Variants in CCDC192 observed in about 807,000 individuals in gnomAD.
The protein encoded by CCDC192 is coiled-coil domain containing 192.
chr5:127,740,410 G>C (rs892230154), intron 2 of CCDC192: 3 of 152,152 alleles, frequency 2.0e-5, no homozygotes, highest in Admixed American at 2.0e-4. Context: ...GATAGGAAAG[G>C]ATGCATAACA....
chr5:127,783,590 A>G (rs1756366772), intron 3 of CCDC192, among the ~76,000 whole-genome samples: 1 of 152,118 alleles, frequency 6.6e-6, no homozygotes, highest in Non-Finnish European at 1.5e-5. Context: ...TAGAATGTGT[A>G]TTCTGTGGTC....
At chr5:127,884,427 A>T (rs569631843) in intron 6 of CCDC192, among the ~76,000 whole-genome samples, 1 of 150,306 alleles carries the variant, frequency 6.7e-6, no homozygotes, top group Admixed American at 6.7e-5. Context: ...ATCTTATATC[A>T]TTACCATATA....
chr5:127,861,697 A>C (rs1299132949), intron 5 of CCDC192, among the ~76,000 whole-genome samples: 1 of 151,988 alleles, frequency 6.6e-6, no homozygotes, highest in East Asian at 1.9e-4. Flanking sequence ...TCTGTTCCAC[A>C]CCTCACTTTG....
At chr5:127,867,794 A>G (rs974562277) in intron 5 of CCDC192, among the ~76,000 whole-genome samples, 9 of 152,170 alleles carry the variant, frequency 5.9e-5, no homozygotes, top group African/African-American at 1.9e-4. Flanking sequence ...AATATGAAAA[A>G]TTATTTATTG....
intron 3 of CCDC192, chr5:127,786,254 C>A: frequency 1.5e-6 from 1 of 685,816 alleles, no homozygotes; most frequent in South Asian, 1.6e-5. Flanking sequence ...AGCACACAAG[C>A]CTCTGCCTTA....
At chr5:127,883,592 T>G (rs1752438219) in intron 6 of CCDC192, among the ~76,000 whole-genome samples, 4 of 152,242 alleles carry the variant, frequency 2.6e-5, no homozygotes, top group Admixed American at 2.6e-4. Flanking sequence ...CAAAATCTTC[T>G]TCCTGATTTC....
chr5:127,815,874 A>T (rs1391494744), intron 5 of CCDC192, among the ~76,000 whole-genome samples: 1 of 151,932 alleles, frequency 6.6e-6, no homozygotes, highest in African/African-American at 2.4e-5. Flanking sequence ...TCTGAAAAAA[A>T]AAATAAAAAT....
intron 2 of CCDC192, among the ~76,000 whole-genome samples, chr5:127,717,812 A>G (rs1490529851): frequency 6.6e-6 from 1 of 151,884 alleles, no homozygotes; most frequent in Admixed American, 6.6e-5. Context: ...TCATCAGCCA[A>G]AGAAGTCACA....
At chr5:127,762,001 T>C (rs1462235753) in intron 3 of CCDC192, among the ~76,000 whole-genome samples, 1 of 152,192 alleles carries the variant, frequency 6.6e-6, no homozygotes, top group Non-Finnish European at 1.5e-5. Context: ...ACTGAATTTG[T>C]GTATTGAGTG....
chr5:127,779,161 T>A (rs1756042863), intron 3 of CCDC192, among the ~76,000 whole-genome samples: 1 of 152,208 alleles, frequency 6.6e-6, no homozygotes, highest in South Asian at 2.1e-4. Flanking sequence ...GGCTTGTTGA[T>A]GTGACATCTT....
At chr5:127,801,288 G>C (rs892339979) in intron 5 of CCDC192, among the ~76,000 whole-genome samples, 2 of 152,168 alleles carry the variant, frequency 1.3e-5, no homozygotes, top group South Asian at 4.1e-4. Context: ...GAGTTGCCTG[G>C]CAAAATATGT....
intron 3 of CCDC192, among the ~76,000 whole-genome samples, chr5:127,761,526 C>A (rs1230723667): frequency 6.6e-6 from 1 of 152,018 alleles, no homozygotes; most frequent in Non-Finnish European, 1.5e-5. Flanking sequence ...GACTGTAGCT[C>A]TATGTGCATG....
chr5:127,834,763 A>G (rs1169086228), intron 5 of CCDC192, among the ~76,000 whole-genome samples: 1 of 152,228 alleles, frequency 6.6e-6, no homozygotes, highest in African/African-American at 2.4e-5. Flanking sequence ...AGCGAATAGT[A>G]AAACAGCTGT....
At chr5:127,716,952 C>A (rs1751659117) in intron 2 of CCDC192, among the ~76,000 whole-genome samples, 1 of 152,110 alleles carries the variant, frequency 6.6e-6, no homozygotes. Flanking sequence ...TTCCTGGAAC[C>A]CTAACCTCAT....
chr5:127,706,286 T>C (rs1162051901), intron 1 of CCDC192, among the ~76,000 whole-genome samples: 1 of 152,114 alleles, frequency 6.6e-6, no homozygotes, highest in East Asian at 1.9e-4. Context: ...CCCAGCACTT[T>C]GGGAAGCCGA....
At chr5:127,789,310 C>A (rs541577933) in intron 3 of CCDC192, among the ~76,000 whole-genome samples, 2 of 152,200 alleles carry the variant, frequency 1.3e-5, no homozygotes, top group African/African-American at 4.8e-5. Context: ...GGAGAGAAAT[C>A]CTCCCTCTTA....
intron 2 of CCDC192, among the ~76,000 whole-genome samples, chr5:127,717,766 C>T (rs984616563): frequency 6.6e-6 from 1 of 151,726 alleles, no homozygotes; most frequent in African/African-American, 2.4e-5. Context: ...TGTGAGGGCT[C>T]TATCCAGAAG....
chr5:127,727,230 G>A (rs948321528), intron 2 of CCDC192, among the ~76,000 whole-genome samples: 1 of 152,136 alleles, frequency 6.6e-6, no homozygotes, highest in Non-Finnish European at 1.5e-5. Flanking sequence ...CCAACACTTT[G>A]GGAGGCCACG....
intron 6 of CCDC192, among the ~76,000 whole-genome samples, chr5:127,909,402 G>C (rs1753284265): frequency 6.6e-6 from 1 of 151,956 alleles, no homozygotes; most frequent in Non-Finnish European, 1.5e-5. Flanking sequence ...TCAATAAAAA[G>C]AAGAAATCAA....
Sources: allele counts gnomAD v4.1 joint callset (sites outside exome capture counted in the v4.1 genomes callset), GRCh38; gene constraint gnomAD v4.1.1; transcripts MANE v1.5; gene names NCBI Gene and HGNC (gene_info 2026-07-23, HGNC 2026-07-21).